The following USP16 variants were observed in gnomAD, a reference collection of about 807,000 sequenced individuals.
USP16 encodes the protein ubiquitin carboxyl-terminal hydrolase 16.
A neutral mutation model predicts 95.9 loss-of-function variants in USP16; 77 were observed. That is an observed-to-expected ratio of 0.80 (90% CI 0.67 to 0.97). USP16 has a LOEUF of 0.97. Ranked by LOEUF, USP16 falls within the 50% of genes least tolerant of loss-of-function variation. The pLI is 0.00. For missense variants in USP16, 943 were observed against 959.9 expected, an observed-to-expected ratio of 0.98 and a Z score of 0.23; for synonymous variants, 303 against 318.2, an observed-to-expected ratio of 0.95 and a Z score of 0.51.
At position 29,046,926 on chromosome 21, in the gene USP16, A is replaced by C. The variant is rs544385420; in HGVS notation, c.1616A>C (p.Asn539Thr). ...QKSTEEVDMK[N>T]INMDNDLEVL... Reference sequence around the variant, plus strand: ...TCCACAGAGGAAGTAGATATGAAAAATATCAACATGGATAATGATCTGGAG... The same window carrying C: ...TCCACAGAGGAAGTAGATATGAAAACTATCAACATGGATAATGATCTGGAG... Residue 539 changes from asparagine to threonine, a missense_variant, in exon 14 of 18, where the codon AAT becomes ACT. Asn to Thr is a moderately conservative substitution (Grantham distance 65, BLOSUM62 0). Transcript: ENST00000399976. The C allele has an allele frequency of 6.2e-7, 1 of 1,614,182 alleles. No homozygotes were observed. The highest frequency in any genetic ancestry group is 1.3e-5 in the African/African-American group (1 of 75,084).
intron 3 of USP16, among the ~76,000 whole-genome samples, chr21:29,031,640 G>T (rs947611736): frequency 6.6e-6 from 1 of 152,218 alleles, no homozygotes; most frequent in African/African-American, 2.4e-5. Flanking sequence ...GTTTTGCCAT[G>T]TTGGCCAGGC....
intron 14 of USP16, among the ~76,000 whole-genome samples, chr21:29,047,956 A>ATGTGTGTGTG (rs1338093659): frequency 6.6e-6 from 1 of 150,662 alleles, no homozygotes; most frequent in African/African-American, 2.5e-5. Flanking sequence ...GTATATATAT[A>ATGTGTGTGTG]TATGTGTGTG....
intron 2 of USP16, among the ~76,000 whole-genome samples, chr21:29,029,344 C>T (rs184283983): frequency 1.3e-3 from 201 of 152,164 alleles, no homozygotes; most frequent in Non-Finnish European, 2.4e-3. Context: ...ACCTGGGAGG[C>T]GGAGCTTGCA....
At position 29,040,671 on chromosome 21, in the gene USP16, A is replaced by G. The variant is rs757974994; in HGVS notation, c.1014A>G (p.Leu338=). The G allele has an allele frequency of 1.3e-5, 20 of 1,537,126 alleles. No individual in the cohort carries two copies. The highest frequency in any genetic ancestry group is 1.8e-5 in the Non-Finnish European group (20 of 1,121,492). ...GNSTEKLDEE[L]KNKVKDYEKK... ...CTACTGAAAAGTTGGATGAAGAACT[A>G]AAAAATAAAGTTAAAGGTAATGTCT... Residue 338 remains leucine (L), a synonymous_variant, in exon 10 of 18, where the codon CTA becomes CTG. Coordinates refer to ENST00000399976, the MANE Select transcript of USP16 (RefSeq NM_006447.3).
At position 29,038,353 on chromosome 21, in the gene USP16, G is replaced by T. The variant is rs117249152; in HGVS notation, c.655G>T (p.Val219Leu). ...AVMQNLSQTP[V>L]LRELLKEVKM... ...ATTCTAGAACTTGTCACAAACACCA[G>T]TGCTTAGAGAACTACTAAAAGAAGT... Residue 219 changes from valine to leucine, a missense_variant, in exon 7 of 18, where the codon GTG becomes TTG. Val to Leu is a conservative substitution (Grantham distance 32). Coordinates refer to ENST00000399976, the MANE Select transcript of USP16 (RefSeq NM_006447.3). 1.2e-6 allele frequency: 2 copies of T among 1,609,986 alleles called. No individual in the cohort carries two copies. Among genetic ancestry groups the T allele is most frequent in the African/African-American group, 2.7e-5 (2 of 74,716 alleles).
chr21:29,028,289 ATTT>A (rs775282066), intron 2 of USP16, among the ~76,000 whole-genome samples: 1 of 136,724 alleles, frequency 7.3e-6, no homozygotes. Context: ...CAGCCAGCTA[ATTT>A]TTTTTTTTTT....
chr21:29,036,423 C>T (rs1329526317), intron 5 of USP16, 49 bp downstream of exon 5: 2 of 1,513,246 alleles, frequency 1.3e-6, no homozygotes, highest in East Asian at 2.3e-5. Context: ...ATTTGTGTAT[C>T]TGCTGATACT....
rs141911388 is a variant in USP16, at chr21:29,039,839, C to T, written c.951+271C>T. ...AAAGATTCTGTTGTACTAACCTATA[C>T]GAAGAGAGCTGCCAAATATTGGAAA... On this transcript the variant is annotated intron_variant, in intron 9 of 17. Coordinates refer to ENST00000399976, the MANE Select transcript of USP16 (RefSeq NM_006447.3). Among the ~76,000 whole-genome samples, 122 of 152,260 alleles carry T rather than the reference C, an allele frequency of 8.0e-4. 2 individuals carry two copies. In the East Asian group the frequency reaches 0.021, roughly 26 times the overall value.
At chr21:29,048,503 T>A (rs1404951674) in intron 14 of USP16, among the ~76,000 whole-genome samples, 1 of 152,248 alleles carries the variant, frequency 6.6e-6, no homozygotes, top group African/African-American at 2.4e-5. Flanking sequence ...TTGCTCTGAT[T>A]GTAATCATTC....
intron 1 of USP16, among the ~76,000 whole-genome samples, chr21:29,025,073 A>G (rs887519711): frequency 1.3e-5 from 2 of 152,176 alleles, no homozygotes; most frequent in African/African-American, 2.4e-5. Flanking sequence ...GCGCCGAGCA[A>G]ATGGGTGGGT....
rs1237776926 is a variant in USP16 at position 29,046,832 on chromosome 21, T to C, written c.1522T>C (p.Tyr508His). Residue 508 changes from tyrosine (Y) to histidine (H), a missense_variant, in exon 14 of 18, where the codon TAT becomes CAT. Physicochemically the swap from Tyr to His is moderately conservative, Grantham distance 83 (BLOSUM62 2). Coordinates refer to ENST00000399976, the MANE Select transcript of USP16 (RefSeq NM_006447.3). Reference sequence around the variant, plus strand: ...ACAAGAGGGTGTTATGCATAAAGAATATTGTGTCAACCAGAAAGATTTGAA... The same window carrying C: ...ACAAGAGGGTGTTATGCATAAAGAACATTGTGTCAACCAGAAAGATTTGAA... ...ISQEGVMHKEYCVNQKDLNGQ... is the reference protein window; with the variant it reads ...ISQEGVMHKEHCVNQKDLNGQ... The C allele has an allele frequency of 8.1e-6, 13 of 1,614,016 alleles. No individual in the cohort carries two copies. In the Admixed American group the frequency reaches 2.0e-4, roughly 25 times the overall value.
At chr21:29,031,235 A>G (rs2085072132) in intron 3 of USP16, among the ~76,000 whole-genome samples, 1 of 152,194 alleles carries the variant, frequency 6.6e-6, no homozygotes, top group Non-Finnish European at 1.5e-5. Context: ...GGGAATGAGT[A>G]GTACCTTGAT....
chr21:29,043,652 T>A, intron 13 of USP16, 53 bp downstream of exon 13: 1 of 1,434,880 alleles, frequency 7.0e-7, no homozygotes, highest in Non-Finnish European at 9.2e-7. Context: ...TTTGAGCTAT[T>A]GAGTTTGTAG....
At chr21:29,040,087 T>A (rs1261323147) in intron 9 of USP16, among the ~76,000 whole-genome samples, 1 of 152,230 alleles carries the variant, frequency 6.6e-6, no homozygotes, top group Non-Finnish European at 1.5e-5. Context: ...ATTTCGCACT[T>A]ATTTTTATGC....
Position 29,039,550 on chromosome 21 carries a change from G to T in USP16, c.933G>T (p.Met311Ile). ...QELLRYLLDG[M>I]RAEEHQRVSK... is the part of the protein sequence containing the mutation. ...TGCTTCGCTACTTATTGGATGGGAT[G>T]AGAGCAGAAGAACACCAAGTTAGCA... The change falls in exon 9 of 18, where the codon ATG becomes ATT. Residue 311 changes from methionine to isoleucine, a missense_variant. Transcript: ENST00000399976. 1 of 1,612,930 alleles carries T rather than the reference G, an allele frequency of 6.2e-7. No homozygotes were observed. The highest frequency in any genetic ancestry group is 1.1e-5 in the South Asian group (1 of 91,002).
In USP16 at chr21:29,040,700, T is replaced by C; in HGVS notation, c.1030+13T>C. On this transcript the variant is annotated intron_variant, in intron 10 of 17. Coordinates refer to ENST00000399976, the MANE Select transcript of USP16 (RefSeq NM_006447.3). Reference sequence around the variant, plus strand: ...AATAAAGTTAAAGGTAATGTCTGACTTTTTGAACTAAAACACTATAGTTGA... The same window carrying C: ...AATAAAGTTAAAGGTAATGTCTGACCTTTTGAACTAAAACACTATAGTTGA... 6.9e-7 allele frequency: 1 copy of C among 1,442,856 alleles called. No individual in the cohort carries two copies. Among genetic ancestry groups the C allele is most frequent in the South Asian group, 1.2e-5 (1 of 82,296 alleles). 89.4% of individuals were successfully genotyped at this position (1,442,856 alleles called of 1,614,324 possible).
intron 12 of USP16, chr21:29,042,735 A>G (rs778564021): frequency 1.2e-5 from 6 of 484,382 alleles, no homozygotes; most frequent in Non-Finnish European, 2.1e-5. Flanking sequence ...TGATGTATTC[A>G]GAATTCTGTA....
At chr21:29,025,538 C>T (rs968970186) in intron 1 of USP16, among the ~76,000 whole-genome samples, 2 of 152,150 alleles carry the variant, frequency 1.3e-5, no homozygotes, top group Admixed American at 6.5e-5. Flanking sequence ...AGGCTCTTTC[C>T]GCAGCACTGG....
Position 29,039,053 on chromosome 21 carries a change from C to T in USP16, c.760C>T (p.Pro254Ser), listed in dbSNP as rs565573891. 1 of 1,578,260 alleles carries T rather than the reference C, an allele frequency of 6.3e-7. No homozygotes were observed. The highest frequency in any genetic ancestry group is 2.3e-5 in the East Asian group (1 of 42,954). ...TEPLEINLEP[P>S]GPLTLAMSQF... ...ACCATTAGAAATAAACCTTGAGCCT[C>T]CAGGCCCTCTTACTTTAGCCATGAG... The change falls in exon 8 of 18, where the codon CCA becomes TCA. Residue 254 changes from proline (P) to serine (S), a missense_variant. Transcript: ENST00000399976.
Sources: gnomAD v4.1 joint callset for allele counts (sites outside exome capture counted in the v4.1 genomes callset) on GRCh38, gnomAD v4.1.1 for gene constraint, MANE v1.5 for transcripts, NCBI Gene and HGNC (gene_info 2026-07-23, HGNC 2026-07-21) for gene names.